Variants in SNX25 observed in about 807,000 individuals in gnomAD.
The protein encoded by SNX25 is sorting nexin-25.
In SNX25, 62 loss-of-function variants were observed where a neutral mutation model predicts 113.7. The ratio of observed to expected loss-of-function variants is 0.55; its 90% CI spans 0.44 to 0.67. The LOEUF (loss-of-function observed/expected upper bound fraction) is 0.67. Ranked by LOEUF, SNX25 falls within the 30% of genes least tolerant of loss-of-function variation. The pLI is 0.00. For synonymous variants in SNX25, 421 were observed against 436.2 expected (o/e 0.97, Z 0.43); for missense variants, 1,014 against 1,161.0 (o/e 0.87, Z 1.84).
intron 6 of SNX25, among the ~76,000 whole-genome samples, chr4:185,289,545 G>A (rs942549613): frequency 3.3e-5 from 5 of 152,148 alleles, no homozygotes; most frequent in African/African-American, 1.2e-4. Flanking sequence ...GAGGCGGCAG[G>A]GAACCCAGTC....
chr4:185,208,874 A>G (rs1737330450), upstream of SNX25, among the ~76,000 whole-genome samples: 1 of 152,252 alleles, frequency 6.6e-6, no homozygotes, highest in African/African-American at 2.4e-5. Flanking sequence ...AGCAAGCGTT[A>G]TCTGTATATT....
intron 1 of SNX25, among the ~76,000 whole-genome samples, chr4:185,223,649 C>T (rs965538369): frequency 3.3e-5 from 5 of 151,702 alleles, no homozygotes; most frequent in African/African-American, 9.7e-5. Flanking sequence ...GGCGTGGTGG[C>T]GGGCACCTGT....
chr4:185,325,936 C>T (rs1561015918), intron 9 of SNX25, among the ~76,000 whole-genome samples: 1 of 152,194 alleles, frequency 6.6e-6, no homozygotes. Flanking sequence ...GAAGGCACAC[C>T]ATTCCAGTCG....
intron 11 of SNX25, 38 bp downstream of exon 11, chr4:185,339,548 A>T (rs1366017686): frequency 6.3e-7 from 1 of 1,584,384 alleles, no homozygotes; most frequent in South Asian, 1.1e-5. Flanking sequence ...TTATTTTAAA[A>T]GTTTGACTTT....
intron 6 of SNX25, among the ~76,000 whole-genome samples, chr4:185,308,142 C>G (rs903041292): frequency 1.3e-5 from 2 of 152,298 alleles, no homozygotes; most frequent in African/African-American, 2.4e-5. Context: ...CAAAAACATG[C>G]CTTCCCTCAC....
chr4:185,257,072 C>T (rs1288038495), intron 2 of SNX25, among the ~76,000 whole-genome samples: 1 of 150,622 alleles, frequency 6.6e-6, no homozygotes, highest in East Asian at 2.0e-4. Context: ...GTAGGATTCC[C>T]AGGGATAAAG....
Position 185,353,559 on chromosome 4 carries a change from A to C in SNX25, c.2541A>C (p.Glu847Asp). ...DVDGRKDALA[E>D]PCFMLIGEIF... Reference sequence around the variant, plus strand: ...ATGGGAGGAAAGACGCCTTGGCTGAACCATGTTTCATGTTGATTGGGGAGA... The same window carrying C: ...ATGGGAGGAAAGACGCCTTGGCTGACCCATGTTTCATGTTGATTGGGGAGA... Residue 847 changes from glutamate (E) to aspartate (D), a missense_variant, in exon 15 of 19, where the codon GAA becomes GAC. By Grantham distance (45) the Glu-to-Asp change is conservative. Transcript: ENST00000652585. 1 of 1,614,184 alleles carries C rather than the reference A, an allele frequency of 6.2e-7. No homozygotes were observed. The highest frequency in any genetic ancestry group is 8.5e-7 in the Non-Finnish European group (1 of 1,180,016).
At chr4:185,375,657 G>T in the SNX25 span, 1 of 1,611,934 alleles carries the variant, frequency 6.2e-7, no homozygotes, top group East Asian at 2.2e-5. Context: ...ATCACTCCTA[G>T]CTGGTAAGTT....
chr4:185,257,231 G>A (rs1048452767), intron 2 of SNX25, among the ~76,000 whole-genome samples: 7 of 149,978 alleles, frequency 4.7e-5, no homozygotes, highest in African/African-American at 1.7e-4. Flanking sequence ...AAATAACCTT[G>A]GTACCCTCGA....
In SNX25 at chr4:185,300,655, A is replaced by G. The variant is rs116260250; in HGVS notation, c.1163-9980A>G. On this transcript the variant is annotated intron_variant, in intron 6 of 18. Transcript: ENST00000652585. Reference sequence around the variant, plus strand: ...AAGTGATACAAACAATTCCACATTTATGAATGACCTAAACTCATAGAATGT... The same window carrying G: ...AAGTGATACAAACAATTCCACATTTGTGAATGACCTAAACTCATAGAATGT... Among the ~76,000 whole-genome samples the G allele has an allele frequency of 4.6e-3, 703 of 152,164 alleles. 1 individual carries two copies. The highest frequency in any genetic ancestry group is 0.015 in the African/African-American group (631 of 41,510).
intron 6 of SNX25, among the ~76,000 whole-genome samples, chr4:185,292,461 C>G (rs1180028072): frequency 2.0e-5 from 3 of 152,146 alleles, no homozygotes; most frequent in African/African-American, 7.2e-5. Context: ...GGCAATGACA[C>G]AATCTCGGCT....
At chr4:185,337,985 A>G (rs536227276) in intron 10 of SNX25, among the ~76,000 whole-genome samples, 20 of 152,272 alleles carry the variant, frequency 1.3e-4, no homozygotes, top group Non-Finnish European at 1.0e-4. Flanking sequence ...AGAAATGTCT[A>G]TTCAAATCCT....
chr4:185,311,087 C>T (rs1461461784), intron 7 of SNX25, among the ~76,000 whole-genome samples: 1 of 151,984 alleles, frequency 6.6e-6, no homozygotes, highest in Non-Finnish European at 1.5e-5. Context: ...CCCCAGAGGA[C>T]CCAGAAGAGC....
chr4:185,227,337 T>C (rs1377988296), intron 1 of SNX25, among the ~76,000 whole-genome samples: 4 of 152,226 alleles, frequency 2.6e-5, no homozygotes, highest in African/African-American at 9.6e-5. Flanking sequence ...GGAGGGAGGT[T>C]GTGGGTTCAC....
At chr4:185,318,883 G>C (rs1237511553) in intron 7 of SNX25, among the ~76,000 whole-genome samples, 1 of 152,130 alleles carries the variant, frequency 6.6e-6, no homozygotes, top group African/African-American at 2.4e-5. Context: ...GCAGGAAGCT[G>C]TCTTTCCTTT....
At chr4:185,355,373 C>T (rs570916781) in intron 15 of SNX25, among the ~76,000 whole-genome samples, 1 of 152,318 alleles carries the variant, frequency 6.6e-6, no homozygotes, top group South Asian at 2.1e-4. Flanking sequence ...TGTCAGTCAT[C>T]AAACACTTTG....
At chr4:185,341,928 C>A in intron 11 of SNX25, 48 bp from the exon 12 acceptor site, 1 of 1,545,816 alleles carries the variant, frequency 6.5e-7, no homozygotes, top group South Asian at 1.3e-5. Flanking sequence ...CCTTCTGCAT[C>A]CATTCACCAT....
chr4:185,231,711 CA>C (rs35635272), intron 1 of SNX25, among the ~76,000 whole-genome samples: 86,913 of 134,258 alleles, frequency 0.65, 26,578 homozygotes, highest in East Asian at 0.76. Context: ...ACTCCATCTT[CA>C]AAAAAAAAAA....
intron 7 of SNX25, among the ~76,000 whole-genome samples, chr4:185,319,311 C>T (rs1221525953): frequency 6.7e-6 from 1 of 148,594 alleles, no homozygotes; most frequent in African/African-American, 2.5e-5. Context: ...AATTCTCCTG[C>T]CTCAGCCTCC....
Sources: gnomAD v4.1 joint callset for allele counts (sites outside exome capture counted in the v4.1 genomes callset) on GRCh38, gnomAD v4.1.1 for gene constraint, MANE v1.5 for transcripts, NCBI Gene and HGNC (gene_info 2026-07-23, HGNC 2026-07-21) for gene names.